The following ARL15 variants were observed in gnomAD, a reference collection of about 807,000 sequenced individuals.
ARL15 encodes ARF like GTPase 15.
In ARL15, 19 loss-of-function variants were observed where a neutral mutation model predicts 25.2. That is an observed-to-expected ratio of 0.75 (90% CI 0.53 to 1.10). The LOEUF is 1.10. Ranked by LOEUF, ARL15 falls within the 50% of genes least tolerant of loss-of-function variation. The pLI is 0.00. For synonymous variants in ARL15, 94 were observed against 86.8 expected, an observed-to-expected ratio of 1.08 and a Z score of -0.46; for missense variants, 220 against 246.0, an observed-to-expected ratio of 0.89 and a Z score of 0.71.
Position 54,197,454 on chromosome 5 carries a change from CTACATTTCT to C in ARL15, c.49-25535_49-25527del, listed in dbSNP as rs539557103. Reference sequence around the variant, plus strand: ...AATTAAAACTAATCCTTTTACCTGCCTACATTTCTTACAAGCACTCTGTTCAGCACAGTA... The same window carrying C: ...AATTAAAACTAATCCTTTTACCTGCCTACAAGCACTCTGTTCAGCACAGTA... On this transcript the variant is annotated intron_variant, in intron 1 of 4. Transcript: ENST00000504924. Among the ~76,000 whole-genome samples the C allele has an allele frequency of 1.8e-4, 28 of 152,236 alleles. No homozygotes were observed. The South Asian group carries it at 5.4e-3, about 29-fold the overall frequency.
chr5:54,046,284 C>A (rs935170446), intron 4 of ARL15, among the ~76,000 whole-genome samples: 1 of 152,100 alleles, frequency 6.6e-6, no homozygotes, highest in African/African-American at 2.4e-5. Flanking sequence ...AGTTTGAGAC[C>A]AGCCTGGCCA....
At chr5:53,993,187 G>A (rs1431458549) in intron 4 of ARL15, among the ~76,000 whole-genome samples, 1 of 152,214 alleles carries the variant, frequency 6.6e-6, no homozygotes, top group Non-Finnish European at 1.5e-5. Flanking sequence ...AGTGCAGATT[G>A]TTAATGATAG....
intron 1 of ARL15, among the ~76,000 whole-genome samples, chr5:54,255,509 G>A (rs1046345796): frequency 3.3e-5 from 5 of 152,154 alleles, no homozygotes; most frequent in African/African-American, 4.8e-5. Flanking sequence ...AACATCTAGA[G>A]TTGAGATAAG....
intron 4 of ARL15, among the ~76,000 whole-genome samples, chr5:53,981,900 C>CAAAAAAA (rs553509243): frequency 0.33 from 47,304 of 142,892 alleles, 8,600 homozygotes; most frequent in Middle Eastern, 0.44. Flanking sequence ...AACTCTGTCT[C>CAAAAAAA]AAAAAAAAAG....
intron 1 of ARL15, among the ~76,000 whole-genome samples, chr5:54,211,208 C>G (rs1371773104): frequency 6.6e-6 from 1 of 152,048 alleles, no homozygotes; most frequent in Non-Finnish European, 1.5e-5. Context: ...AGAGTGGGGG[C>G]TATTGCAGGG....
At chr5:53,907,651 C>T (rs915729933) in intron 4 of ARL15, among the ~76,000 whole-genome samples, 1 of 150,862 alleles carries the variant, frequency 6.6e-6, no homozygotes, top group Non-Finnish European at 1.5e-5. Flanking sequence ...GCGCCCTCCA[C>T]CATGCCCTGC....
chr5:54,195,154 A>C (rs1049613350), intron 1 of ARL15, among the ~76,000 whole-genome samples: 6 of 152,134 alleles, frequency 3.9e-5, no homozygotes, highest in African/African-American at 1.4e-4. Context: ...TACTCTCAAA[A>C]TACTTAGTTA....
chr5:54,039,800 T>TAAAAAAAA (rs35030165), intron 4 of ARL15, among the ~76,000 whole-genome samples: 6 of 52,554 alleles, frequency 1.1e-4, no homozygotes, highest in Admixed American at 3.1e-4. Flanking sequence ...AGACTCTGTC[T>TAAAAAAAA]AAAAAAAAAA....
At chr5:54,256,611 T>TAA (rs71600817) in intron 1 of ARL15, among the ~76,000 whole-genome samples, 9,744 of 112,320 alleles carry the variant, frequency 0.087, 467 homozygotes, top group African/African-American at 0.15. Flanking sequence ...TGAAAGAATG[T>TAA]AAAAAAAAAA....
chr5:54,160,021 C>A (rs17412121), intron 2 of ARL15, among the ~76,000 whole-genome samples: 4,232 of 152,300 alleles, frequency 0.028, 94 homozygotes, highest in Middle Eastern at 0.041. Context: ...TGCACGCACA[C>A]AGATACTTGT....
chr5:54,050,793 C>T (rs931822627), intron 4 of ARL15, among the ~76,000 whole-genome samples: 2 of 152,168 alleles, frequency 1.3e-5, no homozygotes, highest in Non-Finnish European at 2.9e-5. Flanking sequence ...GTTCCCTTCT[C>T]TCTATTCCCA....
intron 4 of ARL15, among the ~76,000 whole-genome samples, chr5:54,079,290 C>G (rs545787525): frequency 4.5e-4 from 68 of 152,224 alleles, no homozygotes; most frequent in African/African-American, 1.6e-3. Context: ...AGTTGTTGAA[C>G]AGAATCAAAA....
At chr5:54,007,737 G>A (rs990001190) in intron 4 of ARL15, among the ~76,000 whole-genome samples, 20 of 152,194 alleles carry the variant, frequency 1.3e-4, no homozygotes, top group African/African-American at 4.1e-4. Context: ...ACTGATCATT[G>A]CTGCCTCTTT....
chr5:54,155,703 C>CAT (rs1554044085), intron 2 of ARL15, among the ~76,000 whole-genome samples: 1 of 151,438 alleles, frequency 6.6e-6, no homozygotes, highest in Non-Finnish European at 1.5e-5. Flanking sequence ...CACACACACA[C>CAT]GCACACACAC....
At chr5:54,140,260 A>G (rs1753729091) in intron 3 of ARL15, among the ~76,000 whole-genome samples, 1 of 151,928 alleles carries the variant, frequency 6.6e-6, no homozygotes, top group African/African-American at 2.4e-5. Context: ...TTGAAAGAAA[A>G]AAAAAAAAAA....
chr5:54,288,634 T>C (rs928884418), intron 1 of ARL15, among the ~76,000 whole-genome samples: 2 of 152,160 alleles, frequency 1.3e-5, no homozygotes, highest in Non-Finnish European at 1.5e-5. Flanking sequence ...TCAAACAAAC[T>C]GAGTAAAGCA....
At chr5:54,026,511 C>A (rs1324544986) in intron 4 of ARL15, among the ~76,000 whole-genome samples, 2 of 152,158 alleles carry the variant, frequency 1.3e-5, no homozygotes, top group African/African-American at 4.8e-5. Flanking sequence ...CTCAAGTGAT[C>A]CTCCCACCTC....
intron 4 of ARL15, among the ~76,000 whole-genome samples, chr5:53,954,134 T>A (rs1307907108): frequency 6.6e-6 from 1 of 151,406 alleles, no homozygotes; most frequent in Non-Finnish European, 1.5e-5. Flanking sequence ...ACAGGGGAGC[T>A]TTCTTGCATT....
intron 4 of ARL15, among the ~76,000 whole-genome samples, chr5:54,107,247 C>A (rs181834209): frequency 0.01 from 1,550 of 152,166 alleles, 14 homozygotes; most frequent in Non-Finnish European, 0.017. Flanking sequence ...TGGCTCCCTC[C>A]CACAACACGT....
Sources: allele counts gnomAD v4.1 joint callset (sites outside exome capture counted in the v4.1 genomes callset), GRCh38; gene constraint gnomAD v4.1.1; transcripts MANE v1.5; gene names NCBI Gene and HGNC (gene_info 2026-07-23, HGNC 2026-07-21).